Variants in SCFD1 observed in about 807,000 individuals in gnomAD.
SCFD1 encodes the protein sec1 family domain containing 1, also known as sec1 family domain-containing protein 1.
SCFD1 carries 37 observed loss-of-function variants against 103.2 expected under a neutral mutation model. The observed-to-expected ratio is 0.36, with a 90% CI of 0.28 to 0.47. The LOEUF (loss-of-function observed/expected upper bound fraction) is 0.47. Ranked by LOEUF, SCFD1 falls within the 20% of genes least tolerant of loss-of-function variation. The pLI is 1.00. For synonymous variants in SCFD1, 264 were observed against 245.0 expected (o/e 1.08, Z -0.73); for missense variants, 639 against 761.2 (o/e 0.84, Z 1.89).
chr14:30,699,016 C>T (rs971435237), intron 15 of SCFD1, among the ~76,000 whole-genome samples: 3 of 152,144 alleles, frequency 2.0e-5, no homozygotes, highest in Non-Finnish European at 4.4e-5. Context: ...GAATAACCTA[C>T]GGAAGGCTGG....
rs1893798802 is a variant in SCFD1, at chr14:30,735,711, T to TAACA, written c.*103_*106dup. 1.0e-5 allele frequency: 8 copies of TAACA among 783,010 alleles called. No homozygotes were observed. In the Admixed American group the frequency reaches 1.1e-4, roughly 11 times the overall value. The allele number at this position is 783,010 out of a possible 1,614,324, so 48.5% of individuals were successfully genotyped here. ...TGTTTCCTTCTCTGTAACAGTGTCC[T>TAACA]AACAGTGAAAATCAGAGTTATTTGT... On this transcript the variant is annotated 3_prime_UTR_variant, in exon 25 of 25. Coordinates refer to ENST00000458591, the MANE Select transcript of SCFD1 (RefSeq NM_016106.4).
rs543623444 is a variant in SCFD1, at chr14:30,630,048, C to T, written c.133-429C>T. ...ACTGGAAAAAAAATAAGGGTATGAA[C>T]GTGAATTGGCTTTAAGTTCAAAGTT... On this transcript the variant is annotated intron_variant, in intron 2 of 24. Coordinates refer to ENST00000458591, the MANE Select transcript of SCFD1 (RefSeq NM_016106.4). Among the ~76,000 whole-genome samples the T allele has an allele frequency of 6.8e-4, 104 of 151,980 alleles. 3 individuals carry two copies. In the South Asian group the frequency reaches 0.021, roughly 30 times the overall value.
intron 15 of SCFD1, among the ~76,000 whole-genome samples, chr14:30,699,582 A>T (rs958549529): frequency 6.6e-6 from 1 of 152,240 alleles, no homozygotes; most frequent in African/African-American, 2.4e-5. Flanking sequence ...AGGCAAATAT[A>T]TTCTATGTGA....
At chr14:30,679,110 C>T (rs1284252201) in intron 14 of SCFD1, among the ~76,000 whole-genome samples, 1 of 152,174 alleles carries the variant, frequency 6.6e-6, no homozygotes, top group East Asian at 1.9e-4. Context: ...TCCACTTAGT[C>T]ACCACACCAA....
intron 21 of SCFD1, among the ~76,000 whole-genome samples, chr14:30,720,071 T>TTCAGA (rs2139406111): frequency 6.6e-6 from 1 of 152,292 alleles, no homozygotes; most frequent in South Asian, 2.1e-4. Context: ...GTTTGGGATC[T>TTCAGA]TCAGAACTTT....
At chr14:30,719,538 A>T (rs1001126386) in intron 21 of SCFD1, among the ~76,000 whole-genome samples, 161 bp downstream of exon 21, 1 of 152,230 alleles carries the variant, frequency 6.6e-6, no homozygotes, top group African/African-American at 2.4e-5. Context: ...ATCTCTAGTA[A>T]TGATACTTGG....
At chr14:30,714,075 C>T (rs1280561574) in intron 19 of SCFD1, among the ~76,000 whole-genome samples, 1 of 151,914 alleles carries the variant, frequency 6.6e-6, no homozygotes, top group South Asian at 2.1e-4. Flanking sequence ...TGGCCGGGCG[C>T]GGTGGCTCAC....
In SCFD1 at chr14:30,715,634, AG is replaced by A. The variant is rs1332728538; in HGVS notation, c.1630-289del. 4 of 224,522 alleles carry A rather than the reference AG, an allele frequency of 1.8e-5. No individual in the cohort carries two copies. In the East Asian group the frequency reaches 3.0e-4, roughly 17 times the overall value. 13.9% of individuals were successfully genotyped at this position (224,522 alleles called of 1,614,324 possible). On this transcript the variant is annotated intron_variant, in intron 19 of 24. Coordinates refer to ENST00000458591, the MANE Select transcript of SCFD1 (RefSeq NM_016106.4). ...AAAGCTTGCAGTTACTAGTATTAAA[AG>A]CAAACACCCAACAAAGTAAAAAGCC...
chr14:30,640,432 CTTAT>C (rs1487637174), intron 6 of SCFD1, among the ~76,000 whole-genome samples: 2 of 152,128 alleles, frequency 1.3e-5, no homozygotes, highest in African/African-American at 2.4e-5. Flanking sequence ...GAATTAGCAA[CTTAT>C]TTAAGTTACA....
At chr14:30,634,264 G>A (rs1267097765) in intron 4 of SCFD1, among the ~76,000 whole-genome samples, 1 of 152,044 alleles carries the variant, frequency 6.6e-6, no homozygotes, top group East Asian at 1.9e-4. Context: ...ACTTTCCACA[G>A]TTTCAGTTAT....
intron 23 of SCFD1, among the ~76,000 whole-genome samples, chr14:30,732,307 C>CCTA (rs1351345989): frequency 6.6e-6 from 1 of 152,184 alleles, no homozygotes; most frequent in African/African-American, 2.4e-5. Flanking sequence ...CTGGCTAGAA[C>CCTA]CTTCAGTACA....
At chr14:30,720,767 C>T (rs957282083) in intron 21 of SCFD1, among the ~76,000 whole-genome samples, 1 of 152,104 alleles carries the variant, frequency 6.6e-6, no homozygotes, top group East Asian at 1.9e-4. Context: ...TATGCAAACA[C>T]TACACCATTT....
intron 1 of SCFD1, among the ~76,000 whole-genome samples, chr14:30,624,046 A>G (rs1169663112): frequency 6.6e-6 from 1 of 152,202 alleles, no homozygotes; most frequent in Non-Finnish European, 1.5e-5. Context: ...AGGTGAGGAA[A>G]GTAAGATAGA....
chr14:30,720,984 C>T (rs546553853), intron 21 of SCFD1, among the ~76,000 whole-genome samples: 1 of 152,174 alleles, frequency 6.6e-6, no homozygotes, highest in South Asian at 2.1e-4. Flanking sequence ...TTTAACAGAG[C>T]CTTCTCCTGA....
At chr14:30,733,066 C>A (rs543599522) in intron 23 of SCFD1, among the ~76,000 whole-genome samples, 16 of 149,926 alleles carry the variant, frequency 1.1e-4, no homozygotes, top group African/African-American at 3.7e-4. Flanking sequence ...AGTGCAGTGG[C>A]GCAGTCTTGG....
At chr14:30,706,032 T>C (rs539458567) in intron 18 of SCFD1, 147 bp downstream of exon 18, 2 of 475,496 alleles carry the variant, frequency 4.2e-6, no homozygotes, top group Non-Finnish European at 7.0e-6. Context: ...GTTCTCCTGG[T>C]TTTTTTTTTC....
intron 14 of SCFD1, among the ~76,000 whole-genome samples, chr14:30,677,064 T>C (rs1889090438): frequency 6.6e-6 from 1 of 152,206 alleles, no homozygotes; most frequent in African/African-American, 2.4e-5. Context: ...AAGTGTTCCC[T>C]TTAGGGTTGC....
intron 14 of SCFD1, among the ~76,000 whole-genome samples, chr14:30,684,808 T>C (rs1267527753): frequency 1.4e-5 from 2 of 141,820 alleles, no homozygotes; most frequent in African/African-American, 2.7e-5. Context: ...TGTTTCTTTT[T>C]TTTTTTTTTT....
chr14:30,691,681 T>C (rs1349138941), intron 14 of SCFD1, among the ~76,000 whole-genome samples: 1 of 152,216 alleles, frequency 6.6e-6, no homozygotes, highest in Admixed American at 6.5e-5. Flanking sequence ...TACAGAGTTG[T>C]TGCAACCACA....
Sources: gnomAD v4.1 joint callset for allele counts (sites outside exome capture counted in the v4.1 genomes callset) on GRCh38, gnomAD v4.1.1 for gene constraint, MANE v1.5 for transcripts, NCBI Gene and HGNC (gene_info 2026-07-23, HGNC 2026-07-21) for gene names.